CAPN1: variants seen among roughly 807,000 people sequenced by gnomAD.
CAPN1 encodes the protein calpain-1 catalytic subunit.
CAPN1 carries 77 observed loss-of-function variants against 105.2 expected under a neutral mutation model. The observed-to-expected ratio is 0.73, with a 90% CI of 0.61 to 0.88. The LOEUF is 0.88. Ranked by LOEUF, CAPN1 falls within the 40% of genes least tolerant of loss-of-function variation. The pLI, the probability that CAPN1 is intolerant of heterozygous loss-of-function variation, is 0.00. For missense variants in CAPN1, 833 were observed against 976.6 expected, an observed-to-expected ratio of 0.85 and a Z score of 1.96; for synonymous variants, 355 against 388.8, an observed-to-expected ratio of 0.91 and a Z score of 1.02.
At position 65,183,210 on chromosome 11, in the gene CAPN1, G is replaced by A. The variant is rs777552187; in HGVS notation, c.337+13G>A. Reference sequence around the variant, plus strand: ...CAGGGAGCACTGGGTAGGCCCCCAGGGCGTCGGGTCCCGGGTATTTTTTCC... The same window carrying A: ...CAGGGAGCACTGGGTAGGCCCCCAGAGCGTCGGGTCCCGGGTATTTTTTCC... On this transcript the variant is annotated intron_variant, in intron 3 of 21. Transcript: ENST00000279247. 67 of 1,613,146 alleles carry A rather than the reference G, an allele frequency of 4.2e-5. No homozygotes were observed. Among genetic ancestry groups the A allele is most frequent in the Non-Finnish European group, 5.5e-5 (65 of 1,179,244 alleles).
rs757141535 is a variant in CAPN1, at chr11:65,206,557, T to C, written c.1448T>C (p.Val483Ala). 1 of 1,613,346 alleles carries C rather than the reference T, an allele frequency of 6.2e-7. No homozygotes were observed. The highest frequency in any genetic ancestry group is 1.3e-5 in the African/African-American group (1 of 74,990). Residue 483 changes from valine to alanine, a missense_variant, in exon 13 of 22, where the codon GTC becomes GCC. By Grantham distance (64) the Val-to-Ala change is moderately conservative. Coordinates refer to ENST00000279247, the MANE Select transcript of CAPN1 (RefSeq NM_005186.4). ...RSEQFINLRE[V>A]STRFRLPPGE... Reference sequence around the variant, plus strand: ...GAGCAGTTCATCAACCTGCGAGAGGTCAGCACCCGCTTCCGCCTGCCACCC... The same window carrying C: ...GAGCAGTTCATCAACCTGCGAGAGGCCAGCACCCGCTTCCGCCTGCCACCC...
chr11:65,188,591 C>T lies in CAPN1; in HGVS notation c.1010C>T (p.Ser337Leu), dbSNP rs778438052. Residue 337 changes from serine to leucine, a missense_variant, in exon 10 of 22, where the codon TCA becomes TTA. Transcript: ENST00000279247. This position sits in a 1 kb window ranked among gnomAD's most constrained non-coding sequence, Gnocchi z 5.5. ...VKMEDGEFWM[S>L]FRDFMREFTR... ...CTGTGTACCTCCCACCTCAGGATGT[C>T]ATTCCGAGACTTCATGCGGGAGTTC... 1.2e-6 allele frequency: 2 copies of T among 1,613,986 alleles called. No homozygotes were observed. The highest frequency in any genetic ancestry group is 4.5e-5 in the East Asian group (2 of 44,886).
intron 14 of CAPN1, 100 bp from the exon 15 acceptor site, chr11:65,207,955 T>C (rs1211009355): frequency 1.3e-6 from 1 of 761,616 alleles, no homozygotes; most frequent in East Asian, 2.7e-5. Context: ...AGAAGCGAAG[T>C]GACTTGTAGC....
Position 65,188,925 on chromosome 11 carries a change from C to T in CAPN1, c.1165+179C>T, listed in dbSNP as rs1056245838. On this transcript the variant is annotated intron_variant, in intron 10 of 21. Coordinates refer to ENST00000279247, the MANE Select transcript of CAPN1 (RefSeq NM_005186.4). The surrounding 1 kb of genome is among the most constrained non-coding windows in gnomAD (Gnocchi z 5.5). Reference sequence around the variant, plus strand: ...TTTTAAAGAGGCATGCTTGACTCACCGTCTTGGGGCCTGAGCCCAGGGTGC... The same window carrying T: ...TTTTAAAGAGGCATGCTTGACTCACTGTCTTGGGGCCTGAGCCCAGGGTGC... Among the ~76,000 whole-genome samples the T allele has an allele frequency of 2.6e-5, 4 of 152,172 alleles. No individual in the cohort carries two copies. Among genetic ancestry groups the T allele is most frequent in the Non-Finnish European group, 5.9e-5 (4 of 68,024 alleles).
In CAPN1 at chr11:65,209,982, A is replaced by G. The variant is rs1353990211; in HGVS notation, c.1864-36A>G. ...CCGGGCAGGTGGGAAGGGCCGGGTGACTCAGCCTGGCCCTCACCCTCTGCC... is the reference window on the plus strand; with the variant it reads ...CCGGGCAGGTGGGAAGGGCCGGGTGGCTCAGCCTGGCCCTCACCCTCTGCC... On this transcript the variant is annotated intron_variant, in intron 18 of 21. Coordinates refer to ENST00000279247, the MANE Select transcript of CAPN1 (RefSeq NM_005186.4). The surrounding 1 kb of genome is among the most constrained non-coding windows in gnomAD (Gnocchi z 4.1). The G allele has an allele frequency of 1.9e-6, 3 of 1,610,708 alleles. No individual in the cohort carries two copies. In the East Asian group the frequency reaches 6.7e-5, roughly 36 times the overall value.
chr11:65,189,148 C>T (rs184475620), intron 10 of CAPN1, among the ~76,000 whole-genome samples: 40 of 152,232 alleles, frequency 2.6e-4, no homozygotes, highest in Non-Finnish European at 3.7e-4. Flanking sequence ...CTTAGCCTCC[C>T]GAGTAGCTGG....
intron 4 of CAPN1, 46 bp from the exon 5 acceptor site, chr11:65,185,871 T>C: frequency 6.4e-7 from 1 of 1,550,538 alleles, no homozygotes; most frequent in Non-Finnish European, 8.7e-7. Context: ...GGAGCTCAGG[T>C]CCGGGGGATT....
chr11:65,182,330 C>T, intron 1 of CAPN1: 1 of 158,682 alleles, frequency 6.3e-6, no homozygotes, highest in Non-Finnish European at 1.3e-5. Context: ...GAGGGGGTTG[C>T]AGGCCTGTGA....
In CAPN1 at chr11:65,206,830, C is replaced by T; in HGVS notation, c.1605+11C>T. ...AATCTCCCCGATGAGGTGCGTGGTC[C>T]CACCCCACCAGGCCCCGTCCTCCTC... On this transcript the variant is annotated intron_variant, in intron 14 of 21. Coordinates refer to ENST00000279247, the MANE Select transcript of CAPN1 (RefSeq NM_005186.4). 6.2e-7 allele frequency: 1 copy of T among 1,609,642 alleles called. No homozygotes were observed.
intron 10 of CAPN1, among the ~76,000 whole-genome samples, chr11:65,197,386 A>T (rs1035177878): frequency 2.6e-5 from 4 of 152,224 alleles, no homozygotes; most frequent in Middle Eastern, 3.2e-3. Flanking sequence ...AACATTTTTT[A>T]AAATCTAGTG....
chr11:65,192,590 C>T (rs995719270), intron 10 of CAPN1, among the ~76,000 whole-genome samples: 2 of 151,768 alleles, frequency 1.3e-5, no homozygotes, highest in Non-Finnish European at 1.5e-5. Context: ...TTTCTTGAGC[C>T]AATTTTGATG....
In CAPN1 at chr11:65,210,068, C is replaced by T. The variant is rs17887152; in HGVS notation, c.1914C>T (p.Tyr638=). 3,040 of 1,612,840 alleles carry T rather than the reference C, an allele frequency of 1.9e-3. 56 individuals carry two copies. In the African/African-American group the frequency reaches 0.036, roughly 19 times the overall value. ...DLDKSGSMSA[Y]EMRMAIESAG... ...ACAAGTCGGGCAGCATGAGTGCCTA[C>T]GAGATGCGGATGGCCATTGAGTCGG... is the stretch of plus-strand genomic sequence containing the variant. The change falls in exon 19 of 22, where the codon TAC becomes TAT. Residue 638 remains tyrosine (Y), a synonymous_variant. Coordinates refer to ENST00000279247, the MANE Select transcript of CAPN1 (RefSeq NM_005186.4). This position sits in a 1 kb window ranked among gnomAD's most constrained non-coding sequence, Gnocchi z 4.3.
At chr11:65,195,227 A>G (rs998317288) in intron 10 of CAPN1, among the ~76,000 whole-genome samples, 4 of 149,674 alleles carry the variant, frequency 2.7e-5, no homozygotes, top group Non-Finnish European at 5.9e-5. Context: ...CTCCTGCCTC[A>G]GCCTCCCTTA....
Position 65,185,910 on chromosome 11 carries a change from C to A in CAPN1, c.457-7C>A. 2 of 1,576,222 alleles carry A rather than the reference C, an allele frequency of 1.3e-6. No homozygotes were observed. The highest frequency in any genetic ancestry group is 4.7e-5 in the East Asian group (2 of 42,812). ...AAGCAGGTACTCACCGTGCCCCTCC[C>A]CCACAGCTGTGGCAATTTGGGGAGT... On this transcript the variant is annotated splice_polypyrimidine_tract_variant and splice_region_variant and intron_variant, in intron 4 of 21. Transcript: ENST00000279247.
rs200552666 is a variant in CAPN1, at chr11:65,210,071, G to A, written c.1917G>A (p.Glu639=). The part of the protein sequence containing the change: ...LDKSGSMSAY[E]MRMAIESAGF... ...AGTCGGGCAGCATGAGTGCCTACGA[G>A]ATGCGGATGGCCATTGAGTCGGCAG... Residue 639 remains glutamate, a synonymous_variant, in exon 19 of 22, where the codon GAG becomes GAA. Transcript: ENST00000279247. The surrounding 1 kb of genome is among the most constrained non-coding windows in gnomAD (Gnocchi z 4.3). 25 of 1,612,712 alleles carry A rather than the reference G, an allele frequency of 1.6e-5. No individual in the cohort carries two copies. Among genetic ancestry groups the A allele is most frequent in the South Asian group, 4.4e-5 (4 of 91,050 alleles).
In CAPN1 at chr11:65,188,315, G is replaced by A; in HGVS notation, c.930-99G>A. ...GCTTGACCTTGAGGAGGCCACCTGG[G>A]CTGGGCCGGGGGAAGACAGGCCAGG... On this transcript the variant is annotated intron_variant, in intron 8 of 21. Transcript: ENST00000279247. The surrounding 1 kb of genome is among the most constrained non-coding windows in gnomAD (Gnocchi z 5.5). 1.8e-6 allele frequency: 2 copies of A among 1,121,944 alleles called. No homozygotes were observed. Among genetic ancestry groups the A allele is most frequent in the Admixed American group, 4.4e-5 (2 of 45,588 alleles). The allele number at this position is 1,121,944 out of a possible 1,614,324, so 69.5% of individuals were successfully genotyped here.
chr11:65,187,613 G>T (rs1184723050), intron 7 of CAPN1: 72 of 481,674 alleles, frequency 1.5e-4, no homozygotes, highest in South Asian at 1.4e-3. Flanking sequence ...TGGGCCAGGT[G>T]CACTGGCTCA....
intron 6 of CAPN1, 133 bp from the exon 7 acceptor site, chr11:65,187,082 G>A (rs1251572621): frequency 1.1e-5 from 7 of 666,504 alleles, no homozygotes; most frequent in South Asian, 3.5e-5. Context: ...AGGTGGGATC[G>A]GGGTCCCTGC....
Position 65,186,026 on chromosome 11 carries a change from C to A in CAPN1, c.566C>A (p.Ala189Asp), listed in dbSNP as rs202175767. Residue 189 changes from alanine to aspartate, a missense_variant, in exon 5 of 22, where the codon GCC (alanine) becomes GAC (aspartate). Physicochemically the swap from Ala to Asp is moderately radical, Grantham distance 126 (BLOSUM62 -2). Transcript: ENST00000279247. ...GCCGAAGGCAACGAGTTCTGGAGCG[C>A]CCTGCTTGAGAAGGCCTATGCCAAG... is the stretch of plus-strand genomic sequence containing the variant. ...HSAEGNEFWSALLEKAYAKVN... is the reference protein window; with the variant it reads ...HSAEGNEFWSDLLEKAYAKVN... 164 of 1,611,156 alleles carry A rather than the reference C, an allele frequency of 1.0e-4. No individual in the cohort carries two copies. The highest frequency in any genetic ancestry group is 1.3e-4 in the Non-Finnish European group (156 of 1,178,744).
Sources: allele counts gnomAD v4.1 joint callset (sites outside exome capture counted in the v4.1 genomes callset), GRCh38; gene constraint gnomAD v4.1.1; non-coding constraint Gnocchi (gnomAD v3.1); transcripts MANE v1.5; gene names NCBI Gene and HGNC (gene_info 2026-07-23, HGNC 2026-07-21).